The following LGR5 variants were observed in gnomAD, a reference collection of about 807,000 sequenced individuals.
LGR5 encodes leucine-rich repeat-containing G protein-coupled receptor 5.
In LGR5, 54 loss-of-function variants were observed where a neutral mutation model predicts 76.7. The ratio of observed to expected loss-of-function variants is 0.70; its 90% CI spans 0.57 to 0.88. LGR5 has a LOEUF of 0.88. LGR5 is among the 40% of genes least tolerant of loss of function. The probability of loss-of-function intolerance (pLI) is 0.00; values close to 1 mark genes in which losing one functional copy is unlikely to be tolerated. For synonymous variants in LGR5, 406 were observed against 421.9 expected, an observed-to-expected ratio of 0.96 and a Z score of 0.46; for missense variants, 1,078 against 1,073.3, an observed-to-expected ratio of 1.00 and a Z score of -0.06.
intron 2 of LGR5, among the ~76,000 whole-genome samples, chr12:71,521,710 G>A (rs1875736210): frequency 6.6e-6 from 1 of 152,178 alleles, no homozygotes; most frequent in African/African-American, 2.4e-5. Flanking sequence ...AATGGATACT[G>A]GGGGACAGTC....
At chr12:71,462,214 T>A (rs1872710530) in intron 1 of LGR5, among the ~76,000 whole-genome samples, 1 of 152,070 alleles carries the variant, frequency 6.6e-6, no homozygotes, top group Non-Finnish European at 1.5e-5. Flanking sequence ...ATCTCTACAA[T>A]CACCTCAAGT....
chr12:71,556,505 C>A, intron 5 of LGR5, 114 bp from the exon 6 acceptor site: 1 of 725,902 alleles, frequency 1.4e-6, no homozygotes, highest in South Asian at 1.7e-5. Flanking sequence ...TTTACATTGG[C>A]TTCTTATAAG....
chr12:71,487,165 T>A (rs574746739), intron 1 of LGR5, among the ~76,000 whole-genome samples: 158 of 152,324 alleles, frequency 1.0e-3, no homozygotes, highest in Non-Finnish European at 1.4e-3. Context: ...TTTTGTCATC[T>A]CTACATTTGT....
intron 8 of LGR5, 148 bp downstream of exon 8, chr12:71,562,000 G>A (rs186512759): frequency 2.3e-6 from 1 of 436,150 alleles, no homozygotes; most frequent in Non-Finnish European, 4.0e-6. Context: ...CATGCATTTT[G>A]CCAGGTTCTA....
At chr12:71,505,718 T>C (rs892204173) in intron 2 of LGR5, among the ~76,000 whole-genome samples, 3 of 152,208 alleles carry the variant, frequency 2.0e-5, no homozygotes, top group Non-Finnish European at 4.4e-5. Flanking sequence ...GTTTTATCTA[T>C]ATTTATTTTT....
chr12:71,498,121 AC>A (rs1592492021), intron 1 of LGR5, among the ~76,000 whole-genome samples: 1 of 152,238 alleles, frequency 6.6e-6, no homozygotes, highest in East Asian at 1.9e-4. Context: ...GTAGAAGGGC[AC>A]CTTTCAATGA....
chr12:71,534,969 C>T (rs1876510625), intron 3 of LGR5, 146 bp from the exon 4 acceptor site: 1 of 552,036 alleles, frequency 1.8e-6, no homozygotes, highest in Non-Finnish European at 3.2e-6. Flanking sequence ...TATCTTCACT[C>T]TTCACAGGAA....
intron 2 of LGR5, among the ~76,000 whole-genome samples, chr12:71,516,934 C>T (rs1314281039): frequency 6.7e-6 from 1 of 148,824 alleles, no homozygotes; most frequent in African/African-American, 2.5e-5. Context: ...AATCGAGTTA[C>T]ATCTTGTTAC....
At chr12:71,446,998 C>A (rs1266700964) in intron 1 of LGR5, among the ~76,000 whole-genome samples, 1 of 152,142 alleles carries the variant, frequency 6.6e-6, no homozygotes, top group Non-Finnish European at 1.5e-5. Context: ...TTTCCTATAA[C>A]CAGATCTATG....
At position 71,586,126 on chromosome 12, in the gene LGR5, G is replaced by T. The variant is rs1879307137; in HGVS notation, c.*1392G>T. On this transcript the variant is annotated 3_prime_UTR_variant, in exon 18 of 18. Transcript: ENST00000266674. ...AAGGTTCAGTAACATTAAGGACCAT[G>T]ATAATGATAATAAACCTTGTACAGT... is the stretch of plus-strand genomic sequence containing the variant. 1 of 152,100 alleles carries T rather than the reference G, an allele frequency of 6.6e-6. No individual in the cohort carries two copies. Among genetic ancestry groups the T allele is most frequent in the African/African-American group, 2.4e-5 (1 of 41,422 alleles). The allele number at this position is 152,100 out of a possible 1,614,324, so 9.4% of individuals were successfully genotyped here.
intron 1 of LGR5, among the ~76,000 whole-genome samples, chr12:71,480,575 A>G (rs1396004932): frequency 6.6e-6 from 1 of 152,036 alleles, no homozygotes; most frequent in Non-Finnish European, 1.5e-5. Flanking sequence ...TTGAAGAAAA[A>G]TTTTACTGGA....
chr12:71,448,052 C>T (rs905698787), intron 1 of LGR5, among the ~76,000 whole-genome samples: 5 of 150,946 alleles, frequency 3.3e-5, no homozygotes, highest in Non-Finnish European at 7.4e-5. Context: ...CTTTATTTCC[C>T]CCTTCCTCCT....
intron 8 of LGR5, among the ~76,000 whole-genome samples, chr12:71,563,958 T>C (rs1251026691): frequency 5.3e-5 from 2 of 37,742 alleles, no homozygotes; most frequent in African/African-American, 1.0e-4. Context: ...TATGCATATA[T>C]ACGTATCTGT....
At position 71,490,183 on chromosome 12, in the gene LGR5, T is replaced by C. The variant is rs74779615; in HGVS notation, c.213-14431T>C. ...AATAGTAACTATTTGGTTTTGGCTA[T>C]ATGACAAGGCCTAGTTAAGAGAATA... is the stretch of plus-strand genomic sequence containing the variant. On this transcript the variant is annotated intron_variant, in intron 1 of 17. Transcript: ENST00000266674. Among the ~76,000 whole-genome samples, 1,136 of 152,006 alleles carry C rather than the reference T, an allele frequency of 7.5e-3. 36 individuals carry two copies. The highest frequency in any genetic ancestry group is 0.057 in the East Asian group (294 of 5,180).
At chr12:71,571,408 C>A in intron 11 of LGR5, 106 bp from the exon 12 acceptor site, 2 of 717,732 alleles carry the variant, frequency 2.8e-6, no homozygotes, top group Non-Finnish European at 4.6e-6. Flanking sequence ...TGTTCAGAGT[C>A]TGCCTTTGGG....
chr12:71,578,279 A>C (rs1265806755), intron 14 of LGR5, among the ~76,000 whole-genome samples: 1 of 152,180 alleles, frequency 6.6e-6, no homozygotes, highest in Non-Finnish European at 1.5e-5. Flanking sequence ...ATAAGATGTC[A>C]ATTCAGGTCT....
At chr12:71,546,050 T>C (rs1220659990) in intron 4 of LGR5, among the ~76,000 whole-genome samples, 1 of 151,448 alleles carries the variant, frequency 6.6e-6, no homozygotes, top group Admixed American at 6.6e-5. Flanking sequence ...AAAAGATTAA[T>C]TGTTTGAGGC....
At chr12:71,497,344 G>A (rs1280456885) in intron 1 of LGR5, among the ~76,000 whole-genome samples, 1 of 129,884 alleles carries the variant, frequency 7.7e-6, no homozygotes, top group East Asian at 1.9e-4. Context: ...GAGAGAAAGA[G>A]GAAGGAAGGA....
At chr12:71,453,225 C>T (rs1009701275) in intron 1 of LGR5, among the ~76,000 whole-genome samples, 2 of 152,194 alleles carry the variant, frequency 1.3e-5, no homozygotes, top group African/African-American at 2.4e-5. Context: ...ACTTTTGTTT[C>T]TGATCCTTGG....
Sources: allele counts gnomAD v4.1 joint callset (sites outside exome capture counted in the v4.1 genomes callset), GRCh38; gene constraint gnomAD v4.1.1; transcripts MANE v1.5; gene names NCBI Gene and HGNC (gene_info 2026-07-23, HGNC 2026-07-21).